The following KCNH8 variants were observed in gnomAD, a reference collection of about 807,000 sequenced individuals.
KCNH8 encodes the protein voltage-gated delayed rectifier potassium channel KCNH8.
A neutral mutation model predicts 103.6 loss-of-function variants in KCNH8; 70 were observed. The ratio of observed to expected loss-of-function variants is 0.68; its 90% CI spans 0.56 to 0.82. The LOEUF (loss-of-function observed/expected upper bound fraction) is 0.82, where lower values mean the gene tolerates loss of function less well. Among genes scored for constraint, KCNH8 ranks in the 40% least tolerant of loss-of-function variants. KCNH8 has a pLI of 0.00. For synonymous variants in KCNH8, 498 were observed against 489.4 expected, an observed-to-expected ratio of 1.02 and a Z score of -0.23; for missense variants, 1,217 against 1,329.9, an observed-to-expected ratio of 0.92 and a Z score of 1.32.
chr3:19,487,239 T>C (rs2068229404), intron 11 of KCNH8, among the ~76,000 whole-genome samples: 1 of 152,214 alleles, frequency 6.6e-6, no homozygotes, highest in Non-Finnish European at 1.5e-5. Context: ...GGAGCTAGTC[T>C]GATGCTAAAG....
At position 19,535,393 on chromosome 3, in the gene KCNH8, G is replaced by A. The variant is rs1166704405; in HGVS notation, c.*1294G>A. On this transcript the variant is annotated 3_prime_UTR_variant, in exon 16 of 16. Coordinates refer to ENST00000328405, the MANE Select transcript of KCNH8 (RefSeq NM_144633.3). ...CAGGGGAAGCCTCAGAGATTACACA[G>A]TTAGGATGCTGACACAGTCTAGAAT... 1 of 152,170 alleles carries A rather than the reference G, an allele frequency of 6.6e-6. No individual in the cohort carries two copies. The highest frequency in any genetic ancestry group is 1.5e-5 in the Non-Finnish European group (1 of 68,038). The allele number at this position is 152,170 out of a possible 1,614,324, so 9.4% of individuals were successfully genotyped here.
At chr3:19,526,179 C>T (rs1247721651) in intron 15 of KCNH8, among the ~76,000 whole-genome samples, 2 of 151,794 alleles carry the variant, frequency 1.3e-5, no homozygotes, top group East Asian at 3.9e-4. Context: ...AAAATTGTGT[C>T]TAGCAGGAAA....
At chr3:19,457,204 A>G (rs556534884) in intron 11 of KCNH8, among the ~76,000 whole-genome samples, 8 of 152,092 alleles carry the variant, frequency 5.3e-5, no homozygotes, top group Admixed American at 2.0e-4. Flanking sequence ...TGACTTCTCA[A>G]CTCAGTTTCT....
intron 1 of KCNH8, among the ~76,000 whole-genome samples, chr3:19,213,455 C>T (rs1172084739): frequency 6.6e-6 from 1 of 152,060 alleles, no homozygotes; most frequent in Non-Finnish European, 1.5e-5. Flanking sequence ...GGTATTTCCC[C>T]CCTAGGATGT....
At chr3:19,464,238 C>T (rs913276680) in intron 11 of KCNH8, among the ~76,000 whole-genome samples, 1 of 152,066 alleles carries the variant, frequency 6.6e-6, no homozygotes, top group Non-Finnish European at 1.5e-5. Context: ...CAGGCCCACA[C>T]TTTATGGTCA....
intron 10 of KCNH8, among the ~76,000 whole-genome samples, chr3:19,455,831 C>T (rs546528066): frequency 7.9e-5 from 12 of 151,814 alleles, no homozygotes; most frequent in South Asian, 2.1e-4. Context: ...GTATGATGAC[C>T]CGAAAGTTAT....
chr3:19,369,474 C>T (rs2066057763), intron 5 of KCNH8, among the ~76,000 whole-genome samples: 1 of 151,974 alleles, frequency 6.6e-6, no homozygotes, highest in Non-Finnish European at 1.5e-5. Context: ...TTTCTCTCCG[C>T]TGTATCACAC....
At chr3:19,445,022 T>C (rs2125178143) in intron 8 of KCNH8, among the ~76,000 whole-genome samples, 1 of 152,122 alleles carries the variant, frequency 6.6e-6, no homozygotes, top group African/African-American at 2.4e-5. Flanking sequence ...CTTCAGGTTA[T>C]ATACACAGAT....
At chr3:19,309,540 A>G (rs879277909) in intron 3 of KCNH8, among the ~76,000 whole-genome samples, 15 of 151,996 alleles carry the variant, frequency 9.9e-5, no homozygotes, top group Admixed American at 4.6e-4. Context: ...TTACCTTTAC[A>G]TAAACCACTG....
In KCNH8 at chr3:19,166,583, C is replaced by T. The variant is rs546956953; in HGVS notation, c.76+17788C>T. ...ATTTGTAAAATATGAAAAAAAAACT[C>T]GCCTGCCTCATTGGAAGCTTTCATA... On this transcript the variant is annotated intron_variant, in intron 1 of 15. Transcript: ENST00000328405. Among the ~76,000 whole-genome samples the T allele has an allele frequency of 9.2e-5, 14 of 152,206 alleles. No homozygotes were observed. In the East Asian group the frequency reaches 1.7e-3, roughly 19 times the overall value.
intron 11 of KCNH8, among the ~76,000 whole-genome samples, chr3:19,506,737 C>T (rs145589462): frequency 1.3e-5 from 2 of 152,200 alleles, no homozygotes; most frequent in African/African-American, 2.4e-5. Flanking sequence ...GCCTTTCTCT[C>T]GTCTCTGGGG....
At chr3:19,326,408 A>G in intron 3 of KCNH8, among the ~76,000 whole-genome samples, 1 of 146,598 alleles carries the variant, frequency 6.8e-6, no homozygotes, top group East Asian at 2.1e-4. Context: ...TTTATTTTGG[A>G]GGTAATGGTG....
At chr3:19,320,586 T>G (rs1046360348) in intron 3 of KCNH8, among the ~76,000 whole-genome samples, 2 of 151,948 alleles carry the variant, frequency 1.3e-5, no homozygotes, top group African/African-American at 4.8e-5. Context: ...TCACTAGTAT[T>G]TTTTTTGAGA....
chr3:19,270,435 G>T (rs1330042777), intron 2 of KCNH8, among the ~76,000 whole-genome samples: 1 of 152,114 alleles, frequency 6.6e-6, no homozygotes, highest in African/African-American at 2.4e-5. Context: ...ATGGGAAAAT[G>T]TTTTGCACAA....
chr3:19,287,024 A>AT (rs1417277915), intron 3 of KCNH8, among the ~76,000 whole-genome samples: 3 of 152,104 alleles, frequency 2.0e-5, no homozygotes. Flanking sequence ...TTATAGGCAA[A>AT]TAGACATGAG....
At chr3:19,153,600 T>C (rs1331789413) in intron 1 of KCNH8, among the ~76,000 whole-genome samples, 2 of 151,892 alleles carry the variant, frequency 1.3e-5, no homozygotes, top group Non-Finnish European at 2.9e-5. Context: ...CATTTTTCTT[T>C]TTCTTTTTCT....
chr3:19,320,229 C>G (rs557216542), intron 3 of KCNH8, among the ~76,000 whole-genome samples: 6 of 152,126 alleles, frequency 3.9e-5, no homozygotes, highest in African/African-American at 1.4e-4. Flanking sequence ...GCATCCCTGT[C>G]TTGATTCAGT....
intron 1 of KCNH8, among the ~76,000 whole-genome samples, chr3:19,182,357 T>A (rs1336894930): frequency 1.3e-5 from 2 of 151,860 alleles, no homozygotes; most frequent in African/African-American, 4.8e-5. Context: ...TGAAACCCCG[T>A]CTCTACTAAA....
intron 7 of KCNH8, among the ~76,000 whole-genome samples, chr3:19,402,731 G>A (rs1016663661): frequency 1.3e-5 from 2 of 151,810 alleles, no homozygotes; most frequent in African/African-American, 4.8e-5. Context: ...AGGAATAAGT[G>A]GGTGAACAAC....
Sources: allele counts gnomAD v4.1 joint callset (sites outside exome capture counted in the v4.1 genomes callset), GRCh38; gene constraint gnomAD v4.1.1; transcripts MANE v1.5; gene names NCBI Gene and HGNC (gene_info 2026-07-23, HGNC 2026-07-21).